The following CADM2 variants were observed in gnomAD, a reference collection of about 807,000 sequenced individuals.
CADM2 encodes the protein immunoglobulin superfamily member 4D.
A neutral mutation model predicts 49.8 loss-of-function variants in CADM2; 12 were observed. The observed-to-expected ratio is 0.24, with a 90% CI of 0.15 to 0.39. The LOEUF is 0.39. Ranked by LOEUF, CADM2 falls within the 10% of genes least tolerant of loss-of-function variation. The pLI is 1.00. For missense variants in CADM2, 378 were observed against 492.3 expected (o/e 0.77, Z 2.20); for synonymous variants, 214 against 175.4 (o/e 1.22, Z -1.74).
chr3:85,998,927 G>T (rs928154344), intron 8 of CADM2, among the ~76,000 whole-genome samples: 1 of 152,164 alleles, frequency 6.6e-6, no homozygotes, highest in African/African-American at 2.4e-5. Flanking sequence ...TTTAAAGAAT[G>T]AGAGATACCA....
intron 8 of CADM2, among the ~76,000 whole-genome samples, chr3:86,039,100 G>A (rs911045900): frequency 6.6e-6 from 1 of 152,088 alleles, no homozygotes; most frequent in Non-Finnish European, 1.5e-5. Flanking sequence ...AGCCAAGATG[G>A]CCAAATAGGA....
At chr3:84,972,392 G>C (rs1448994458) in intron 1 of CADM2, among the ~76,000 whole-genome samples, 2 of 152,108 alleles carry the variant, frequency 1.3e-5, no homozygotes, top group African/African-American at 4.8e-5. Flanking sequence ...AGTGCTTAAG[G>C]ATTTTACATA....
At chr3:85,331,050 A>C (rs905584000) in intron 1 of CADM2, among the ~76,000 whole-genome samples, 2 of 152,132 alleles carry the variant, frequency 1.3e-5, no homozygotes, top group Non-Finnish European at 2.9e-5. Flanking sequence ...ATGTTTTGAA[A>C]TATGCATAAA....
intron 3 of CADM2, among the ~76,000 whole-genome samples, chr3:85,833,047 C>T (rs1175089016): frequency 6.6e-6 from 1 of 151,852 alleles, no homozygotes; most frequent in Non-Finnish European, 1.5e-5. Context: ...GCATTTTCTG[C>T]ATCTATTTAT....
intron 1 of CADM2, among the ~76,000 whole-genome samples, chr3:85,458,920 C>A (rs1324372432): frequency 6.6e-6 from 1 of 152,126 alleles, no homozygotes; most frequent in Non-Finnish European, 1.5e-5. Context: ...TTGTACATTG[C>A]TTTTGTGATG....
At chr3:86,048,102 T>G (rs1408395636) in intron 8 of CADM2, among the ~76,000 whole-genome samples, 1 of 152,116 alleles carries the variant, frequency 6.6e-6, no homozygotes, top group Non-Finnish European at 1.5e-5. Flanking sequence ...AGATGGAGCT[T>G]ATTTATCTTT....
At chr3:85,372,433 A>ATGATATATG in intron 1 of CADM2, among the ~76,000 whole-genome samples, 1 of 131,286 alleles carries the variant, frequency 7.6e-6, no homozygotes, top group South Asian at 2.3e-4. Flanking sequence ...GTGTGTATAT[A>ATGATATATG]TGTATATATG....
At chr3:85,288,988 G>T (rs1392749075) in intron 1 of CADM2, among the ~76,000 whole-genome samples, 1 of 151,990 alleles carries the variant, frequency 6.6e-6, no homozygotes, top group Non-Finnish European at 1.5e-5. Flanking sequence ...GTTTGGTTTT[G>T]TAAATATTTA....
chr3:84,982,837 C>A (rs2032290761), intron 1 of CADM2, among the ~76,000 whole-genome samples: 1 of 150,410 alleles, frequency 6.6e-6, no homozygotes, highest in Non-Finnish European at 1.5e-5. Context: ...CCTCCCCGTC[C>A]CTGGTTCAAG....
chr3:85,547,900 G>T (rs1387088140), intron 1 of CADM2, among the ~76,000 whole-genome samples: 1 of 152,144 alleles, frequency 6.6e-6, no homozygotes, highest in East Asian at 1.9e-4. Context: ...GCCACTGTAG[G>T]TGAGCTAACC....
chr3:85,734,150 A>C (rs1007508122), intron 2 of CADM2, among the ~76,000 whole-genome samples: 1 of 152,160 alleles, frequency 6.6e-6, no homozygotes, highest in Non-Finnish European at 1.5e-5. Context: ...ATCCTGATAT[A>C]TAATGGTTAT....
intron 8 of CADM2, among the ~76,000 whole-genome samples, chr3:85,963,048 T>C (rs1340651910): frequency 6.6e-6 from 1 of 151,936 alleles, no homozygotes; most frequent in Non-Finnish European, 1.5e-5. Context: ...GTGTTATTTT[T>C]CCCAGGTATT....
intron 1 of CADM2, among the ~76,000 whole-genome samples, chr3:85,193,250 T>A (rs1368975526): frequency 6.6e-6 from 1 of 152,098 alleles, no homozygotes; most frequent in Non-Finnish European, 1.5e-5. Flanking sequence ...GAAAGAATGA[T>A]ATCAAGGATA....
intron 1 of CADM2, among the ~76,000 whole-genome samples, chr3:85,452,864 C>T (rs2037815907): frequency 6.6e-6 from 1 of 152,094 alleles, no homozygotes; most frequent in Admixed American, 6.6e-5. Flanking sequence ...AGGTCCTTAA[C>T]TATAAGTTTA....
chr3:85,794,201 A>C (rs969491441), intron 2 of CADM2, among the ~76,000 whole-genome samples: 1 of 152,068 alleles, frequency 6.6e-6, no homozygotes, highest in Non-Finnish European at 1.5e-5. Context: ...TTTTCCATAT[A>C]TTTTCTCAGT....
intron 1 of CADM2, among the ~76,000 whole-genome samples, chr3:85,491,533 T>C (rs1345091546): frequency 6.6e-6 from 1 of 152,168 alleles, no homozygotes; most frequent in African/African-American, 2.4e-5. Context: ...CTGTTGAAGT[T>C]ACATTTCAAA....
At chr3:85,904,986 C>T (rs1229357434) in intron 5 of CADM2, among the ~76,000 whole-genome samples, 2 of 151,790 alleles carry the variant, frequency 1.3e-5, no homozygotes, top group African/African-American at 4.8e-5. Context: ...ATGTTATTCC[C>T]CCTTTTTTTG....
chr3:85,333,870 G>T (rs1397165394), intron 1 of CADM2, among the ~76,000 whole-genome samples: 1 of 151,620 alleles, frequency 6.6e-6, no homozygotes, highest in African/African-American at 2.4e-5. Flanking sequence ...TATATTGAGG[G>T]ACTCCATGTA....
rs187182897 is a variant in CADM2, at chr3:84,975,414, C to G, written c.61+15746C>G. On this transcript the variant is annotated intron_variant, in intron 1 of 9. Coordinates refer to ENST00000383699, the MANE Select transcript of CADM2 (RefSeq NM_001167675.2). ...TTTTCATCAAAAATCATCCGGTGTA[C>G]TGTATAAGCAATTGTAAGTTACGTT... is the stretch of plus-strand genomic sequence containing the variant. Among the ~76,000 whole-genome samples the G allele has an allele frequency of 3.5e-3, 533 of 151,546 alleles. 4 individuals are homozygous for G. The highest frequency in any genetic ancestry group is 0.012 in the African/African-American group (517 of 41,442).
Sources: gnomAD v4.1 joint callset for allele counts (sites outside exome capture counted in the v4.1 genomes callset) on GRCh38, gnomAD v4.1.1 for gene constraint, MANE v1.5 for transcripts, NCBI Gene and HGNC (gene_info 2026-07-23, HGNC 2026-07-21) for gene names.